The following IGSF21 variants were observed in gnomAD, a reference collection of about 807,000 sequenced individuals.
The protein encoded by IGSF21 is immunoglobin superfamily member 21, also known as immunoglobulin superfamily member 21.
IGSF21 carries 28 observed loss-of-function variants against 46.8 expected under a neutral mutation model. The ratio of observed to expected loss-of-function variants is 0.60; its 90% CI spans 0.44 to 0.82. The LOEUF (loss-of-function observed/expected upper bound fraction) is 0.82, where lower values mean the gene tolerates loss of function less well. Ranked by LOEUF, IGSF21 falls within the 40% of genes least tolerant of loss-of-function variation. IGSF21 has a pLI of 0.00. For missense variants in IGSF21, 624 were observed against 665.5 expected (o/e 0.94, Z 0.69); for synonymous variants, 284 against 273.6 (o/e 1.04, Z -0.38).
intron 1 of IGSF21, among the ~76,000 whole-genome samples, chr1:18,118,288 C>T (rs921951037): frequency 1.3e-5 from 2 of 151,782 alleles, no homozygotes; most frequent in East Asian, 2.0e-4. Flanking sequence ...TTTTCCCTAA[C>T]GCCGCCCCAA....
At chr1:18,187,418 G>C (rs1205276903) in intron 1 of IGSF21, among the ~76,000 whole-genome samples, 1 of 152,178 alleles carries the variant, frequency 6.6e-6, no homozygotes, top group Non-Finnish European at 1.5e-5. Flanking sequence ...CGTGGCTGGG[G>C]AGGCCTCATA....
chr1:18,316,016 C>T (rs2085539830), intron 3 of IGSF21, among the ~76,000 whole-genome samples: 1 of 152,144 alleles, frequency 6.6e-6, no homozygotes, highest in Non-Finnish European at 1.5e-5. Context: ...CACAAAGCCC[C>T]GGCCATGCTC....
intron 1 of IGSF21, among the ~76,000 whole-genome samples, chr1:18,156,395 G>T (rs1027417490): frequency 3.3e-5 from 5 of 152,174 alleles, no homozygotes; most frequent in Admixed American, 6.5e-5. Context: ...TCTTCTCTCT[G>T]CAGATGGAGA....
At chr1:18,348,688 G>T (rs2124618213) in intron 4 of IGSF21, among the ~76,000 whole-genome samples, 2 of 152,324 alleles carry the variant, frequency 1.3e-5, no homozygotes. Context: ...ACAGCCTGAG[G>T]AGGCTATAGC....
intron 2 of IGSF21, among the ~76,000 whole-genome samples, chr1:18,228,803 G>C (rs1374370910): frequency 6.6e-6 from 1 of 152,144 alleles, no homozygotes. Flanking sequence ...ACATTTTTTG[G>C]TGACGACTGA....
intron 1 of IGSF21, among the ~76,000 whole-genome samples, chr1:18,185,432 C>T (rs1180471380): frequency 6.6e-6 from 1 of 152,112 alleles, no homozygotes; most frequent in Non-Finnish European, 1.5e-5. Context: ...AAAACATATT[C>T]CCTCCCAGAG....
chr1:18,188,808 GC>G (rs2086928231), intron 1 of IGSF21, among the ~76,000 whole-genome samples: 1 of 152,242 alleles, frequency 6.6e-6, no homozygotes, highest in African/African-American at 2.4e-5. Flanking sequence ...AGGACTCATA[GC>G]CAGACGTGTC....
chr1:18,323,226 CTGGGG>C (rs1023184772), intron 3 of IGSF21, among the ~76,000 whole-genome samples: 1 of 152,192 alleles, frequency 6.6e-6, no homozygotes, highest in African/African-American at 2.4e-5. Context: ...ACTGGCAGGT[CTGGGG>C]TGTCCCTCTA....
intron 1 of IGSF21, among the ~76,000 whole-genome samples, chr1:18,156,095 C>T (rs2086566068): frequency 6.6e-6 from 1 of 152,168 alleles, no homozygotes; most frequent in Non-Finnish European, 1.5e-5. Flanking sequence ...GACAGGCTGG[C>T]TTCTATCCTG....
At chr1:18,211,468 G>C (rs1373602223) in intron 1 of IGSF21, among the ~76,000 whole-genome samples, 1 of 152,222 alleles carries the variant, frequency 6.6e-6, no homozygotes, top group Non-Finnish European at 1.5e-5. Flanking sequence ...CAAATTTCCA[G>C]GCCCTTCCGT....
At chr1:18,167,500 T>G (rs2086690986) in intron 1 of IGSF21, among the ~76,000 whole-genome samples, 1 of 152,150 alleles carries the variant, frequency 6.6e-6, no homozygotes, top group African/African-American at 2.4e-5. Context: ...AAAAGGGTCT[T>G]GGGTGGTGGT....
Position 18,250,501 on chromosome 1 carries a change from G to A in IGSF21, c.183+22491G>A, listed in dbSNP as rs141263580. Among the ~76,000 whole-genome samples the A allele has an allele frequency of 3.0e-4, 45 of 152,186 alleles. 1 individual carries two copies. Among genetic ancestry groups the A allele is most frequent in the East Asian group, 2.5e-3 (13 of 5,140 alleles). ...CTAACAGGCACCTGGCCACCCACCC[G>A]TCACCCATCGCTGTCTCTCCCTCTC... On this transcript the variant is annotated intron_variant, in intron 2 of 9. Transcript: ENST00000251296.
At chr1:18,327,839 TG>T (rs1279575615) in intron 3 of IGSF21, among the ~76,000 whole-genome samples, 1 of 152,186 alleles carries the variant, frequency 6.6e-6, no homozygotes, top group East Asian at 1.9e-4. Context: ...TTATCAAATG[TG>T]GAAATGCTGA....
At chr1:18,153,997 C>T (rs11588762) in intron 1 of IGSF21, among the ~76,000 whole-genome samples, 11,620 of 152,162 alleles carry the variant, frequency 0.076, 1,209 homozygotes, top group African/African-American at 0.24. Flanking sequence ...ATTGTAGGAG[C>T]CGATCCGTTC....
intron 1 of IGSF21, among the ~76,000 whole-genome samples, chr1:18,131,034 C>T (rs1456207362): frequency 5.9e-5 from 9 of 152,182 alleles, no homozygotes; most frequent in East Asian, 3.8e-4. Flanking sequence ...GAGCCAGGCC[C>T]GAGGGAGCTG....
intron 1 of IGSF21, among the ~76,000 whole-genome samples, chr1:18,122,315 C>T (rs1480906341): frequency 6.7e-6 from 1 of 150,020 alleles, no homozygotes; most frequent in Admixed American, 6.7e-5. Context: ...CTCAGCCTCA[C>T]GAGTAGCTGG....
At chr1:18,116,587 A>G (rs2124403136) in intron 1 of IGSF21, among the ~76,000 whole-genome samples, 1 of 152,210 alleles carries the variant, frequency 6.6e-6, no homozygotes, top group East Asian at 1.9e-4. Context: ...CCTCTGCTGG[A>G]GCTGCTTTGG....
chr1:18,206,548 C>CAA (rs1182210491), intron 1 of IGSF21, among the ~76,000 whole-genome samples: 13 of 78,824 alleles, frequency 1.6e-4, no homozygotes, highest in African/African-American at 5.4e-4. Context: ...GACCCCGTCT[C>CAA]AAAAAAAAAA....
chr1:18,275,346 G>A lies in IGSF21; in HGVS notation c.184-16520G>A, dbSNP rs115653053. Among the ~76,000 whole-genome samples, 1,279 of 152,172 alleles carry A rather than the reference G, an allele frequency of 8.4e-3. 19 individuals are homozygous for A. The highest frequency in any genetic ancestry group is 0.044 in the Middle Eastern group (13 of 294). On this transcript the variant is annotated intron_variant, in intron 2 of 9. Transcript: ENST00000251296. The stretch of plus-strand genomic sequence containing the variant: ...CCAAACCTCCAGAAAGACCAGCCTC[G>A]GATCTACTCCCCAAGCCAAGGGGAT...
Sources: gnomAD v4.1 joint callset for allele counts (sites outside exome capture counted in the v4.1 genomes callset) on GRCh38, gnomAD v4.1.1 for gene constraint, MANE v1.5 for transcripts, NCBI Gene and HGNC (gene_info 2026-07-23, HGNC 2026-07-21) for gene names.